LUZP2: variants seen among roughly 807,000 people sequenced by gnomAD.
LUZP2 encodes leucine zipper protein 2.
In LUZP2, 52 loss-of-function variants were observed where a neutral mutation model predicts 51.6. That is an observed-to-expected ratio of 1.01 (90% CI 0.81 to 1.27). The LOEUF (loss-of-function observed/expected upper bound fraction) is 1.27. Ranked by LOEUF, LUZP2 falls within the 50% of genes most tolerant of loss-of-function variation. LUZP2 has a pLI of 0.00. For missense variants in LUZP2, 436 were observed against 395.4 expected (o/e 1.10, Z -0.87); for synonymous variants, 154 against 137.3 (o/e 1.12, Z -0.85).
At chr11:24,897,662 T>A (rs1334951437) in intron 5 of LUZP2, among the ~76,000 whole-genome samples, 2 of 152,162 alleles carry the variant, frequency 1.3e-5, no homozygotes, top group Non-Finnish European at 2.9e-5. Context: ...ATTTAAGAAT[T>A]GTAACACTCA....
At chr11:24,681,268 AC>A (rs1179666724) in intron 1 of LUZP2, among the ~76,000 whole-genome samples, 2 of 152,184 alleles carry the variant, frequency 1.3e-5, no homozygotes, top group African/African-American at 4.8e-5. Context: ...GGTGTGAGCC[AC>A]CGCGCCCGGC....
chr11:24,499,059 A>T (rs1179746447), intron 1 of LUZP2, among the ~76,000 whole-genome samples: 2 of 152,164 alleles, frequency 1.3e-5, no homozygotes, highest in African/African-American at 4.8e-5. Context: ...TGATTTTGAT[A>T]GGGATAAATT....
intron 1 of LUZP2, among the ~76,000 whole-genome samples, chr11:24,575,990 A>G (rs1852632762): frequency 6.6e-6 from 1 of 152,128 alleles, no homozygotes; most frequent in Non-Finnish European, 1.5e-5. Context: ...TCTTTATTTT[A>G]GCACAATGTC....
chr11:24,807,002 C>A (rs2134128050), intron 5 of LUZP2, among the ~76,000 whole-genome samples: 2 of 126,008 alleles, frequency 1.6e-5, no homozygotes, highest in Non-Finnish European at 1.6e-5. Flanking sequence ...AATTTATTTA[C>A]TATCCCTCAA....
intron 1 of LUZP2, among the ~76,000 whole-genome samples, chr11:24,681,131 G>C (rs1166252946): frequency 6.6e-6 from 1 of 151,936 alleles, no homozygotes; most frequent in East Asian, 1.9e-4. Context: ...ACAGGCGCCC[G>C]CCACCGCGCC....
chr11:24,571,290 A>G (rs1852435540), intron 1 of LUZP2, among the ~76,000 whole-genome samples: 1 of 67,156 alleles, frequency 1.5e-5, no homozygotes, highest in Non-Finnish European at 3.1e-5. Context: ...GCTGTGGAAG[A>G]TGTTGCTAAA....
intron 1 of LUZP2, among the ~76,000 whole-genome samples, chr11:24,708,078 T>C (rs1258755169): frequency 6.6e-6 from 1 of 151,888 alleles, no homozygotes; most frequent in Non-Finnish European, 1.5e-5. Context: ...GGAATGAGGG[T>C]GGAGCAGGTG....
At chr11:24,568,764 A>G (rs1045580996) in intron 1 of LUZP2, among the ~76,000 whole-genome samples, 1 of 152,088 alleles carries the variant, frequency 6.6e-6, no homozygotes, top group African/African-American at 2.4e-5. Flanking sequence ...TCTGTGTCCA[A>G]AATTTAAACC....
intron 5 of LUZP2, among the ~76,000 whole-genome samples, chr11:24,767,436 G>C (rs1860234746): frequency 6.6e-6 from 1 of 152,184 alleles, no homozygotes; most frequent in African/African-American, 2.4e-5. Context: ...GTTTTTATGT[G>C]ACTAAAATAG....
chr11:25,071,350 C>T (rs1328810807), intron 10 of LUZP2, among the ~76,000 whole-genome samples: 1 of 151,514 alleles, frequency 6.6e-6, no homozygotes, highest in Non-Finnish European at 1.5e-5. Flanking sequence ...ACATATGTAA[C>T]AAACCTGTAC....
At chr11:24,521,765 T>C (rs1850650469) in intron 1 of LUZP2, among the ~76,000 whole-genome samples, 1 of 152,170 alleles carries the variant, frequency 6.6e-6, no homozygotes, top group Non-Finnish European at 1.5e-5. Context: ...TCTTTTTCCA[T>C]TCAGATTTCC....
intron 1 of LUZP2, among the ~76,000 whole-genome samples, chr11:24,601,428 G>A (rs760463906): frequency 3.1e-4 from 47 of 151,870 alleles, no homozygotes; most frequent in Non-Finnish European, 4.9e-4. Context: ...GAAAACTAAT[G>A]CATATAACTA....
intron 3 of LUZP2, among the ~76,000 whole-genome samples, chr11:24,736,147 T>C (rs1315626682): frequency 6.6e-6 from 1 of 151,962 alleles, no homozygotes; most frequent in Non-Finnish European, 1.5e-5. Context: ...CCTCTAGATG[T>C]CAGAATGGGG....
chr11:24,853,776 T>G (rs1308031891), intron 5 of LUZP2, among the ~76,000 whole-genome samples: 1 of 152,216 alleles, frequency 6.6e-6, no homozygotes, highest in African/African-American at 2.4e-5. Context: ...CCTTTGGTCT[T>G]TGATGTTGGT....
chr11:24,807,804 C>T (rs911427333), intron 5 of LUZP2, among the ~76,000 whole-genome samples: 35 of 152,140 alleles, frequency 2.3e-4, no homozygotes, highest in African/African-American at 8.4e-4. Context: ...TTTTTTATGG[C>T]CATGCTTCCC....
At chr11:24,886,096 CT>C (rs1329681074) in intron 5 of LUZP2, among the ~76,000 whole-genome samples, 70 of 152,016 alleles carry the variant, frequency 4.6e-4, no homozygotes, top group Admixed American at 4.5e-3. Flanking sequence ...GTGTTCAATT[CT>C]ATATCTTTCT....
chr11:24,943,089 T>C (rs1854799764), intron 7 of LUZP2, among the ~76,000 whole-genome samples: 1 of 152,202 alleles, frequency 6.6e-6, no homozygotes, highest in Non-Finnish European at 1.5e-5. Context: ...CATATAAAGC[T>C]CCTTTGATTG....
intron 7 of LUZP2, among the ~76,000 whole-genome samples, chr11:24,948,579 A>G (rs1854966883): frequency 1.3e-5 from 2 of 151,702 alleles, no homozygotes; most frequent in Admixed American, 1.3e-4. Flanking sequence ...CACAGGCTAA[A>G]GTTATCATTG....
intron 1 of LUZP2, among the ~76,000 whole-genome samples, chr11:24,683,954 G>A (rs1054915720): frequency 2.6e-5 from 4 of 151,754 alleles, no homozygotes; most frequent in Admixed American, 6.6e-5. Context: ...CTTGATCTCG[G>A]GGGACAGACT....
Sources: allele counts gnomAD v4.1 joint callset (sites outside exome capture counted in the v4.1 genomes callset), GRCh38; gene constraint gnomAD v4.1.1; transcripts MANE v1.5; gene names NCBI Gene and HGNC (gene_info 2026-07-23, HGNC 2026-07-21).